The following CPVL variants were observed in gnomAD, a reference collection of about 807,000 sequenced individuals.
The protein encoded by CPVL is probable serine carboxypeptidase CPVL.
A neutral mutation model predicts 63.7 loss-of-function variants in CPVL; 51 were observed. The observed-to-expected ratio is 0.80, with a 90% CI of 0.64 to 1.01. The LOEUF (loss-of-function observed/expected upper bound fraction) is 1.01. Among genes scored for constraint, CPVL ranks in the 50% least tolerant of loss-of-function variants. The pLI, the probability that CPVL is intolerant of heterozygous loss-of-function variation, is 0.00. For synonymous variants in CPVL, 195 were observed against 206.0 expected, an observed-to-expected ratio of 0.95 and a Z score of 0.46; for missense variants, 530 against 573.1, an observed-to-expected ratio of 0.92 and a Z score of 0.77.
At chr7:29,193,199 G>A (rs1783123169) in intron 1 of CPVL, 1 of 152,114 alleles carries the variant, frequency 6.6e-6, no homozygotes, top group African/African-American at 2.4e-5. Flanking sequence ...GTTTAGCAAG[G>A]TGTATTTTTA....
chr7:29,134,027 C>T (rs930318837), intron 1 of CPVL, among the ~76,000 whole-genome samples: 2 of 152,146 alleles, frequency 1.3e-5, no homozygotes, highest in Non-Finnish European at 2.9e-5. Context: ...GCAGCAAATT[C>T]ATTATTTGGA....
intron 11 of CPVL, among the ~76,000 whole-genome samples, chr7:29,060,345 G>A (rs991387670): frequency 6.6e-6 from 1 of 152,180 alleles, no homozygotes; most frequent in Non-Finnish European, 1.5e-5. Flanking sequence ...AGCATAGCCA[G>A]TGACTGGTGT....
intron 11 of CPVL, among the ~76,000 whole-genome samples, chr7:29,032,426 A>G (rs17157411): frequency 0.11 from 16,867 of 152,120 alleles, 2,878 homozygotes; most frequent in African/African-American, 0.37. Context: ...AAGCCTGTTA[A>G]AAAAATTCAA....
intron 12 of CPVL, among the ~76,000 whole-genome samples, chr7:29,026,861 C>A (rs774444310): frequency 1.3e-5 from 2 of 152,068 alleles, no homozygotes; most frequent in African/African-American, 4.8e-5. Context: ...ATTCTCCCAA[C>A]AAAGGAAAGT....
chr7:28,997,822 A>C (rs1046051270), intron 12 of CPVL, among the ~76,000 whole-genome samples: 4 of 152,270 alleles, frequency 2.6e-5, no homozygotes, highest in African/African-American at 9.6e-5. Context: ...TATTGCAGAT[A>C]TAAACATAAT....
intron 1 of CPVL, among the ~76,000 whole-genome samples, chr7:29,123,612 AAAAAAAAAAAAAAAAAATATATAT>A (rs1252871666): frequency 2.1e-5 from 2 of 94,626 alleles, no homozygotes; most frequent in African/African-American, 9.1e-5. Context: ...AAAAAAAAAA[AAAAAAAAAAAAAAAAAATATATAT>A]ATATATATAT....
At chr7:29,192,891 G>A (rs1783075725) in intron 1 of CPVL, 1 of 152,224 alleles carries the variant, frequency 6.6e-6, no homozygotes, top group South Asian at 2.1e-4. Context: ...GGGCTACATA[G>A]ATTACTAGTC....
intron 11 of CPVL, among the ~76,000 whole-genome samples, chr7:29,036,401 G>C (rs1252964569): frequency 6.6e-6 from 1 of 152,196 alleles, no homozygotes; most frequent in Non-Finnish European, 1.5e-5. Context: ...ATAATGATTG[G>C]AGAGACTCGA....
intron 5 of CPVL, among the ~76,000 whole-genome samples, chr7:29,165,439 A>AT (rs993768750): frequency 7.9e-5 from 12 of 152,086 alleles, no homozygotes; most frequent in African/African-American, 7.2e-5. Context: ...GGTTTCTTAG[A>AT]TTTTTTTTAA....
intron 7 of CPVL, among the ~76,000 whole-genome samples, chr7:29,073,475 T>C (rs142658790): frequency 6.6e-5 from 10 of 152,276 alleles, no homozygotes; most frequent in Non-Finnish European, 1.2e-4. Context: ...AGGGCTGACA[T>C]GATCTGCTCC....
At chr7:29,114,663 A>T (rs933925553) in intron 2 of CPVL, among the ~76,000 whole-genome samples, 3 of 151,926 alleles carry the variant, frequency 2.0e-5, no homozygotes, top group Non-Finnish European at 2.9e-5. Context: ...ATGCCTCTCA[A>T]AAGGAAAACC....
At chr7:29,104,099 T>TAC (rs371963023) in intron 3 of CPVL, among the ~76,000 whole-genome samples, 1 of 152,254 alleles carries the variant, frequency 6.6e-6, no homozygotes, top group East Asian at 1.9e-4. Context: ...ATTTTAATTC[T>TAC]ACACACACAC....
At chr7:29,174,896 G>GGAACAAGAA (rs1051221473) in intron 5 of CPVL, among the ~76,000 whole-genome samples, 1 of 150,794 alleles carries the variant, frequency 6.6e-6, no homozygotes, top group Non-Finnish European at 1.5e-5. Context: ...GAGAGATACA[G>GGAACAAGAA]GAACAAGAAG....
intron 4 of CPVL, among the ~76,000 whole-genome samples, chr7:29,183,266 TAG>T (rs984135594): frequency 1.3e-5 from 2 of 151,986 alleles, no homozygotes; most frequent in African/African-American, 4.8e-5. Context: ...GTATTTTCAG[TAG>T]AGACAGGGTT....
chr7:29,128,729 AAT>A, intron 1 of CPVL, among the ~76,000 whole-genome samples: 1 of 146,840 alleles, frequency 6.8e-6, no homozygotes. Context: ...AAAAAAAAAA[AAT>A]TAAAAAAAAG....
Position 29,007,488 on chromosome 7 carries a change from G to C in CPVL, c.1321-11606C>G, listed in dbSNP as rs199549175. 5.3e-5 allele frequency among the ~76,000 whole-genome samples: 8 copies of C among 152,300 alleles called. No individual in the cohort carries two copies. The East Asian group carries it at 1.5e-3, about 29-fold the overall frequency. On this transcript the variant is annotated intron_variant, in intron 12 of 12. Transcript: ENST00000265394. ...CAGGAATTCAATTATTTTTAAAGGA[G>C]AGGATGCTCTAGTCAGCACTGAGGT...
At chr7:29,023,418 T>C (rs959530608) in intron 12 of CPVL, among the ~76,000 whole-genome samples, 8 of 152,130 alleles carry the variant, frequency 5.3e-5, no homozygotes, top group African/African-American at 7.2e-5. Context: ...ATCACGAGAA[T>C]AGCACAGGAA....
chr7:29,182,521 T>C (rs759041514), intron 4 of CPVL, among the ~76,000 whole-genome samples: 2 of 152,256 alleles, frequency 1.3e-5, no homozygotes, highest in Non-Finnish European at 2.9e-5. Context: ...TTGACAAGTT[T>C]AGTCTGTATT....
chr7:29,107,338 G>A (rs75556660), intron 3 of CPVL, among the ~76,000 whole-genome samples: 1,660 of 152,274 alleles, frequency 0.011, 30 homozygotes, highest in African/African-American at 0.037. Flanking sequence ...CAGGCCACAC[G>A]TTCAAGGGCT....
Sources: allele counts gnomAD v4.1 joint callset (sites outside exome capture counted in the v4.1 genomes callset), GRCh38; gene constraint gnomAD v4.1.1; transcripts MANE v1.5; gene names NCBI Gene and HGNC (gene_info 2026-07-23, HGNC 2026-07-21).